FAM81A: variants seen among roughly 807,000 people sequenced by gnomAD.
FAM81A encodes family with sequence similarity 81 member A.
A neutral mutation model predicts 46.7 loss-of-function variants in FAM81A; 19 were observed. That is an observed-to-expected ratio of 0.41 (90% CI 0.28 to 0.60). The LOEUF (loss-of-function observed/expected upper bound fraction) is 0.60. Ranked by LOEUF, FAM81A falls within the 20% of genes least tolerant of loss-of-function variation. The pLI, the probability that FAM81A is intolerant of heterozygous loss-of-function variation, is 0.34. For missense variants in FAM81A, 377 were observed against 453.5 expected (o/e 0.83, Z 1.53); for synonymous variants, 183 against 152.9 (o/e 1.20, Z -1.45).
chr15:59,436,377 T>C (rs1485988173), upstream of FAM81A, among the ~76,000 whole-genome samples: 2 of 151,966 alleles, frequency 1.3e-5, no homozygotes, highest in Non-Finnish European at 2.9e-5. Context: ...GCCTTGAGGC[T>C]CTGGCACCTC....
chr15:59,488,068 C>T (rs781737509), intron 3 of FAM81A, among the ~76,000 whole-genome samples: 1 of 152,146 alleles, frequency 6.6e-6, no homozygotes, highest in Non-Finnish European at 1.5e-5. Context: ...AAAGATCATT[C>T]ATCATTAACA....
At chr15:59,518,251 T>C (rs2082288215) in intron 8 of FAM81A, among the ~76,000 whole-genome samples, 1 of 151,800 alleles carries the variant, frequency 6.6e-6, no homozygotes, top group East Asian at 1.9e-4. Flanking sequence ...GTGCTGGGAT[T>C]ACAGGCAAGA....
At chr15:59,482,808 A>G (rs1323817093) in intron 3 of FAM81A, among the ~76,000 whole-genome samples, 1 of 152,230 alleles carries the variant, frequency 6.6e-6, no homozygotes, top group Non-Finnish European at 1.5e-5. Flanking sequence ...ACTTCCTATT[A>G]AGAGAGAGTG....
chr15:59,451,645 G>A (rs1308551405), intron 1 of FAM81A, among the ~76,000 whole-genome samples: 1 of 152,148 alleles, frequency 6.6e-6, no homozygotes, highest in Non-Finnish European at 1.5e-5. Flanking sequence ...TAGAGATGCA[G>A]TTTCCTCATG....
At chr15:59,440,118 C>G (rs529259655) in intron 1 of FAM81A, 18 of 152,302 alleles carry the variant, frequency 1.2e-4, no homozygotes, top group African/African-American at 3.9e-4. Flanking sequence ...AGTCTCCTCT[C>G]GGAAGGTAGT....
chr15:59,455,599 A>G (rs1419192112), intron 1 of FAM81A, among the ~76,000 whole-genome samples: 1 of 152,262 alleles, frequency 6.6e-6, no homozygotes, highest in African/African-American at 2.4e-5. Context: ...CCTGCCAGAT[A>G]TGCAGATCCT....
chr15:59,401,454 C>T (rs1465395463), intron 1 of FAM81A: 7 of 786,748 alleles, frequency 8.9e-6, no homozygotes, highest in Non-Finnish European at 1.4e-5. Flanking sequence ...GGATATGTTA[C>T]ATGGGCTTTC....
At chr15:59,474,121 G>T (rs1351004994) in intron 3 of FAM81A, among the ~76,000 whole-genome samples, 1 of 151,964 alleles carries the variant, frequency 6.6e-6, no homozygotes, top group Non-Finnish European at 1.5e-5. Context: ...CACTGAACTC[G>T]TGCCACTCTT....
At chr15:59,466,417 A>G (rs2081613930) in intron 3 of FAM81A, among the ~76,000 whole-genome samples, 1 of 151,386 alleles carries the variant, frequency 6.6e-6, no homozygotes, top group Admixed American at 6.6e-5. Flanking sequence ...GTGAGATGGT[A>G]TCTCTTTGCG....
rs1596522024 is a variant in FAM81A at position 59,489,485 on chromosome 15, A to G, written c.295-2786A>G. 2.0e-5 allele frequency among the ~76,000 whole-genome samples: 3 copies of G among 152,276 alleles called. No individual in the cohort carries two copies. The South Asian group carries it at 6.2e-4, about 32-fold the overall frequency. On this transcript the variant is annotated intron_variant, in intron 3 of 8. Transcript: ENST00000288228. The stretch of plus-strand genomic sequence containing the variant: ...TTGTTAAAATGTCTGTACTACCTGA[A>G]GCAATCTACAAATTCAATGCAATCC...
At chr15:59,449,598 A>G (rs189103037) in intron 1 of FAM81A, among the ~76,000 whole-genome samples, 5,549 of 151,984 alleles carry the variant, frequency 0.037, 160 homozygotes, top group Non-Finnish European at 0.054. Flanking sequence ...TGGCTAACAC[A>G]GTGAAACCCC....
chr15:59,451,805 A>C (rs573783467), intron 1 of FAM81A, among the ~76,000 whole-genome samples: 2 of 152,162 alleles, frequency 1.3e-5, no homozygotes, highest in South Asian at 2.1e-4. Flanking sequence ...TGCTGTGTAT[A>C]CCATCCTCCT....
chr15:59,514,411 T>C lies in FAM81A; in HGVS notation c.773T>C (p.Val258Ala), dbSNP rs1445420733. Residue 258 changes from valine to alanine, a missense_variant, in exon 7 of 9, where the codon GTT becomes GCT. By Grantham distance (64) the Val-to-Ala change is moderately conservative. Coordinates refer to ENST00000288228, the MANE Select transcript of FAM81A (RefSeq NM_152450.3). ...LQKIDQLSLI[V>A]KENSGASERD... Reference sequence around the variant, plus strand: ...AAAATTGATCAGCTTTCCTTGATTGTTAAGGAAAACAGTGTAGGTATTGAT... The same window carrying C: ...AAAATTGATCAGCTTTCCTTGATTGCTAAGGAAAACAGTGTAGGTATTGAT... The C allele has an allele frequency of 6.2e-7, 1 of 1,613,056 alleles. No homozygotes were observed. The highest frequency in any genetic ancestry group is 1.7e-5 in the Admixed American group (1 of 59,708).
At chr15:59,484,518 G>A (rs1175516694) in intron 3 of FAM81A, among the ~76,000 whole-genome samples, 20 of 152,174 alleles carry the variant, frequency 1.3e-4, no homozygotes, top group Admixed American at 4.6e-4. Context: ...CCCTGTCAGC[G>A]GACCACATGG....
intron 3 of FAM81A, among the ~76,000 whole-genome samples, chr15:59,466,384 T>G (rs2141663091): frequency 6.6e-6 from 1 of 152,212 alleles, no homozygotes; most frequent in Middle Eastern, 3.4e-3. Flanking sequence ...CCTGACTTTT[T>G]AATGATTGCC....
chr15:59,481,587 C>T (rs1378781964), intron 3 of FAM81A, among the ~76,000 whole-genome samples: 1 of 152,082 alleles, frequency 6.6e-6, no homozygotes, highest in Non-Finnish European at 1.5e-5. Context: ...AAGTTGTACA[C>T]ACTTTCCCTT....
chr15:59,476,810 G>A (rs2081776509), intron 3 of FAM81A, among the ~76,000 whole-genome samples: 1 of 151,192 alleles, frequency 6.6e-6, no homozygotes, highest in African/African-American at 2.4e-5. Context: ...AATAAATTGG[G>A]AGAGTGGGCA....
At chr15:59,452,506 G>A (rs555354200) in intron 1 of FAM81A, among the ~76,000 whole-genome samples, 21 of 152,294 alleles carry the variant, frequency 1.4e-4, no homozygotes, top group African/African-American at 4.3e-4. Flanking sequence ...AATTAGCCAC[G>A]TATGGTGGTA....
At position 59,471,696 on chromosome 15, in the gene FAM81A, C is replaced by A. The variant is rs527313168; in HGVS notation, c.294+11490C>A. Among the ~76,000 whole-genome samples, 99 of 151,860 alleles carry A rather than the reference C, an allele frequency of 6.5e-4. 2 individuals carry two copies. In the South Asian group the frequency reaches 0.02, roughly 31 times the overall value. Reference sequence around the variant, plus strand: ...GTTGCCCAGCCTCTGCCTCTGCCTCCCAAAGTGCTGGGATTATAGGTATGA... The same window carrying A: ...GTTGCCCAGCCTCTGCCTCTGCCTCACAAAGTGCTGGGATTATAGGTATGA... On this transcript the variant is annotated intron_variant, in intron 3 of 8. Coordinates refer to ENST00000288228, the MANE Select transcript of FAM81A (RefSeq NM_152450.3).
Sources: allele counts gnomAD v4.1 joint callset (sites outside exome capture counted in the v4.1 genomes callset), GRCh38; gene constraint gnomAD v4.1.1; transcripts MANE v1.5; gene names NCBI Gene and HGNC (gene_info 2026-07-23, HGNC 2026-07-21).